The following EBF2 variants were observed in gnomAD, a reference collection of about 807,000 sequenced individuals.
EBF2 encodes the protein transcription factor COE2.
In EBF2, 21 loss-of-function variants were observed where a neutral mutation model predicts 72.8. The ratio of observed to expected loss-of-function variants is 0.29; its 90% confidence interval spans 0.20 to 0.42. The LOEUF is 0.42. Ranked by LOEUF, EBF2 falls within the 10% of genes least tolerant of loss-of-function variation. The probability of loss-of-function intolerance (pLI) is 1.00; values close to 1 mark genes in which losing one functional copy is unlikely to be tolerated. For missense variants in EBF2, 637 were observed against 731.2 expected, an observed-to-expected ratio of 0.87 and a Z score of 1.49; for synonymous variants, 299 against 274.2, an observed-to-expected ratio of 1.09 and a Z score of -0.89.
chr8:25,891,546 A>C (rs1348321687), intron 7 of EBF2, among the ~76,000 whole-genome samples: 1 of 151,018 alleles, frequency 6.6e-6, no homozygotes, highest in East Asian at 1.9e-4. Flanking sequence ...TTCCTTACTT[A>C]TTAAATGGAG....
intron 6 of EBF2, among the ~76,000 whole-genome samples, chr8:26,025,445 G>A (rs545915650): frequency 6.6e-6 from 1 of 152,158 alleles, no homozygotes; most frequent in African/African-American, 2.4e-5. Flanking sequence ...ATGATGGAAC[G>A]AGCCCATTTA....
chr8:25,873,091 C>G (rs1269618602), intron 10 of EBF2, among the ~76,000 whole-genome samples: 1 of 152,164 alleles, frequency 6.6e-6, no homozygotes, highest in Non-Finnish European at 1.5e-5. Flanking sequence ...TGCCCTATTC[C>G]TCATGTGTCC....
chr8:25,945,096 C>T (rs940541167), intron 6 of EBF2, among the ~76,000 whole-genome samples: 1 of 145,638 alleles, frequency 6.9e-6, no homozygotes, highest in Non-Finnish European at 1.5e-5. Context: ...TTGCCCCCCC[C>T]GCCCCACCCC....
intron 6 of EBF2, among the ~76,000 whole-genome samples, chr8:25,937,712 A>G (rs140894661): frequency 6.6e-6 from 1 of 152,288 alleles, no homozygotes; most frequent in African/African-American, 2.4e-5. Flanking sequence ...GCATGTCACA[A>G]CAGTTTGGCA....
chr8:25,912,498 A>AC (rs60144558), intron 6 of EBF2, among the ~76,000 whole-genome samples: 1,481 of 134,184 alleles, frequency 0.011, 26 homozygotes, highest in African/African-American at 0.036. Flanking sequence ...ACACACACAC[A>AC]ACAGGAAGAA....
At chr8:25,986,572 A>C (rs1391300981) in intron 6 of EBF2, among the ~76,000 whole-genome samples, 1 of 152,202 alleles carries the variant, frequency 6.6e-6, no homozygotes, top group Non-Finnish European at 1.5e-5. Flanking sequence ...GGGCTTGTTT[A>C]CTGGTCATTT....
chr8:25,900,959 T>A (rs190926471), intron 7 of EBF2, among the ~76,000 whole-genome samples: 1 of 152,072 alleles, frequency 6.6e-6, no homozygotes, highest in African/African-American at 2.4e-5. Flanking sequence ...TCAAACCAGC[T>A]AAAAGAGAGA....
chr8:25,861,820 G>A (rs1469944890), intron 11 of EBF2, among the ~76,000 whole-genome samples: 1 of 152,154 alleles, frequency 6.6e-6, no homozygotes, highest in Non-Finnish European at 1.5e-5. Flanking sequence ...AACGTCTGCT[G>A]CAAAATTTTA....
At chr8:25,931,779 G>A (rs17054644) in intron 6 of EBF2, among the ~76,000 whole-genome samples, 3 of 152,088 alleles carry the variant, frequency 2.0e-5, no homozygotes, top group East Asian at 1.9e-4. Context: ...TGACATGCAC[G>A]CCTCAAGGAA....
At chr8:25,889,939 C>A in intron 7 of EBF2, 70 bp from the exon 8 acceptor site, 2 of 1,355,592 alleles carry the variant, frequency 1.5e-6, no homozygotes, top group Non-Finnish European at 2.1e-6. Context: ...AGCAAATGCA[C>A]CAAAATTCTG....
At chr8:25,974,753 C>G (rs183681684) in intron 6 of EBF2, among the ~76,000 whole-genome samples, 2 of 152,170 alleles carry the variant, frequency 1.3e-5, no homozygotes, top group African/African-American at 2.4e-5. Context: ...CCTGCCCCCC[C>G]ATCCTACTGT....
intron 6 of EBF2, among the ~76,000 whole-genome samples, chr8:25,948,991 G>A (rs1180025376): frequency 1.3e-5 from 2 of 152,128 alleles, no homozygotes; most frequent in Non-Finnish European, 2.9e-5. Flanking sequence ...AATAGGTCTT[G>A]CACAGATATA....
intron 6 of EBF2, among the ~76,000 whole-genome samples, chr8:25,978,524 C>T (rs1403677011): frequency 1.3e-5 from 2 of 152,114 alleles, no homozygotes; most frequent in Non-Finnish European, 1.5e-5. Flanking sequence ...TGAGGGGCAT[C>T]GCAGCAATGG....
intron 6 of EBF2, among the ~76,000 whole-genome samples, chr8:25,938,023 T>C (rs571840691): frequency 6.6e-6 from 1 of 152,306 alleles, no homozygotes; most frequent in African/African-American, 2.4e-5. Flanking sequence ...TTATGTCTTA[T>C]AGTACAGAGA....
At chr8:25,853,455 C>CTAAT (rs1802023466) in intron 14 of EBF2, among the ~76,000 whole-genome samples, 1 of 151,752 alleles carries the variant, frequency 6.6e-6, no homozygotes, top group Non-Finnish European at 1.5e-5. Flanking sequence ...TAATAAAATG[C>CTAAT]TAATTAAAAC....
intron 7 of EBF2, 123 bp from the exon 8 acceptor site, chr8:25,889,992 C>A: frequency 2.6e-6 from 2 of 778,422 alleles, no homozygotes; most frequent in Middle Eastern, 2.3e-4. Context: ...TGGGACAGAA[C>A]TTGGGACTCA....
intron 6 of EBF2, among the ~76,000 whole-genome samples, chr8:25,983,839 G>T (rs1045362927): frequency 2.0e-5 from 3 of 152,252 alleles, no homozygotes; most frequent in Admixed American, 1.3e-4. Context: ...TATCAATGTC[G>T]ATTTAAAAAT....
chr8:25,913,360 G>A (rs1377149971), intron 6 of EBF2, among the ~76,000 whole-genome samples: 2 of 152,072 alleles, frequency 1.3e-5, no homozygotes, highest in Non-Finnish European at 2.9e-5. Flanking sequence ...AGAATCGCTT[G>A]AACCTGGGAG....
At position 26,042,315 on chromosome 8, in the gene EBF2, A is replaced by G. The variant is rs537524630; in HGVS notation, c.132-64T>C. ...GAAGCACAAAAAGGCGATGTTACTA[A>G]CCGCCCACAACACTGCAGAGGGGTA... is the stretch of plus-strand genomic sequence containing the variant. On this transcript the variant is annotated intron_variant, in intron 1 of 15. Coordinates refer to ENST00000520164, the MANE Select transcript of EBF2 (RefSeq NM_022659.4). The G allele has an allele frequency of 1.4e-4, 222 of 1,542,526 alleles. No individual in the cohort carries two copies. In the South Asian group the frequency reaches 1.8e-3, roughly 12 times the overall value.
Sources: allele counts gnomAD v4.1 joint callset (sites outside exome capture counted in the v4.1 genomes callset), GRCh38; gene constraint gnomAD v4.1.1; transcripts MANE v1.5; gene names NCBI Gene and HGNC (gene_info 2026-07-23, HGNC 2026-07-21).